RXFP1: variants seen among roughly 807,000 people sequenced by gnomAD.
The protein encoded by RXFP1 is relaxin family peptide receptor 1.
A neutral mutation model predicts 89.8 loss-of-function variants in RXFP1; 73 were observed. The ratio of observed to expected loss-of-function variants is 0.81; its 90% confidence interval spans 0.67 to 0.99. RXFP1 has a LOEUF of 0.99. Among genes scored for constraint, RXFP1 ranks in the 50% least tolerant of loss-of-function variants. The pLI is 0.00. For synonymous variants in RXFP1, 277 were observed against 305.5 expected, an observed-to-expected ratio of 0.91 and a Z score of 0.97; for missense variants, 793 against 895.5, an observed-to-expected ratio of 0.89 and a Z score of 1.46.
chr4:158,593,645 A>G (rs1370388175), intron 3 of RXFP1, 146 bp downstream of exon 3: 11 of 533,514 alleles, frequency 2.1e-5, no homozygotes, highest in Non-Finnish European at 3.6e-5. Context: ...TAAGAGGTCA[A>G]TTATAGTTTT....
chr4:158,584,278 C>A (rs1369009631), intron 2 of RXFP1, among the ~76,000 whole-genome samples: 1 of 151,858 alleles, frequency 6.6e-6, no homozygotes, highest in Non-Finnish European at 1.5e-5. Flanking sequence ...ACTAAAGATA[C>A]AAAAAATTAG....
chr4:158,627,984 G>A (rs1015439044), intron 10 of RXFP1, among the ~76,000 whole-genome samples: 2 of 152,162 alleles, frequency 1.3e-5, no homozygotes, highest in Non-Finnish European at 2.9e-5. Flanking sequence ...ATTGGGAAAT[G>A]GTGGTAATGG....
intron 1 of RXFP1, among the ~76,000 whole-genome samples, chr4:158,522,238 G>C (rs560272813): frequency 4.3e-4 from 65 of 152,290 alleles, no homozygotes; most frequent in African/African-American, 1.5e-3. Flanking sequence ...AAGCGAGACT[G>C]ATGTGCCGTG....
upstream of RXFP1, chr4:158,521,726 AAAG>A: frequency 8.2e-6 from 4 of 487,524 alleles, no homozygotes; most frequent in Non-Finnish European, 1.1e-5. Context: ...GCGTGTGTGT[AAAG>A]AAGGAGATTA....
chr4:158,646,718 A>T, intron 15 of RXFP1, 73 bp from the exon 16 acceptor site: 2 of 1,485,184 alleles, frequency 1.3e-6, no homozygotes, highest in Non-Finnish European at 1.8e-6. Context: ...TAGCATTAAA[A>T]ATATTATTGC....
chr4:158,570,610 T>C (rs971425529), intron 1 of RXFP1, among the ~76,000 whole-genome samples: 3 of 152,084 alleles, frequency 2.0e-5, no homozygotes, highest in Admixed American at 1.3e-4. Flanking sequence ...GCCTCATTTG[T>C]CTATTACCTG....
chr4:158,645,134 C>A lies in RXFP1; in HGVS notation c.1341C>A (p.Leu447=). ...TGTATGCCATGTCAATCATTTCTCT[C>A]TGCTGTGAGTATTTCCTGGTTAAAG... ...NKLYAMSIIS[L]CCADCLMGIY... The change falls in exon 15 of 18, where the codon CTC becomes CTA. Residue 447 remains leucine (L), a synonymous_variant. Transcript: ENST00000307765. 6.2e-7 allele frequency: 1 copy of A among 1,606,416 alleles called. No individual in the cohort carries two copies. The highest frequency in any genetic ancestry group is 8.5e-7 in the Non-Finnish European group (1 of 1,172,984).
rs549129677 is a variant in RXFP1, at chr4:158,642,128, G to A, written c.1116-2781G>A. On this transcript the variant is annotated intron_variant, in intron 14 of 17. Transcript: ENST00000307765. Reference sequence around the variant, plus strand: ...TTTTCTTTTACTGTGGCACTTCCACGTTTAAAATCTTTAATATTATTTTGT... The same window carrying A: ...TTTTCTTTTACTGTGGCACTTCCACATTTAAAATCTTTAATATTATTTTGT... Among the ~76,000 whole-genome samples the A allele has an allele frequency of 3.4e-3, 520 of 151,728 alleles. 4 individuals carry two copies. Among genetic ancestry groups the A allele is most frequent in the African/African-American group, 0.012 (488 of 41,354 alleles).
At chr4:158,612,386 A>ATTTC in intron 8 of RXFP1, 24 bp downstream of exon 8, 4 of 1,485,544 alleles carry the variant, frequency 2.7e-6, no homozygotes, top group Non-Finnish European at 3.7e-6. Context: ...TAAAGCAAAT[A>ATTTC]TTTCAATCAA....
At chr4:158,601,415 A>G (rs565076151) in intron 4 of RXFP1, among the ~76,000 whole-genome samples, 40 of 152,314 alleles carry the variant, frequency 2.6e-4, no homozygotes, top group Admixed American at 2.0e-4. Context: ...TTAACAGGTC[A>G]CTCAGTGGAA....
intron 15 of RXFP1, chr4:158,646,518 A>G (rs942005498): frequency 6.3e-5 from 81 of 1,278,212 alleles, no homozygotes; most frequent in Non-Finnish European, 8.1e-5. Flanking sequence ...AGAACAATAG[A>G]CAAGATCTGT....
intron 4 of RXFP1, among the ~76,000 whole-genome samples, chr4:158,603,443 TG>T (rs1273536689): frequency 5.9e-5 from 9 of 152,212 alleles, no homozygotes; most frequent in Admixed American, 5.9e-4. Flanking sequence ...AATCAGCCTT[TG>T]GTATTATTTA....
chr4:158,587,562 A>T (rs1316992492), intron 2 of RXFP1, among the ~76,000 whole-genome samples: 1 of 152,358 alleles, frequency 6.6e-6, no homozygotes, highest in East Asian at 1.9e-4. Flanking sequence ...AGTAATAGCT[A>T]AATACTTAAA....
chr4:158,551,303 G>A (rs72963717), intron 1 of RXFP1, among the ~76,000 whole-genome samples: 149 of 152,198 alleles, frequency 9.8e-4, no homozygotes, highest in African/African-American at 3.5e-3. Flanking sequence ...GGAGTACCAG[G>A]GTCTGGGGAA....
intron 1 of RXFP1, among the ~76,000 whole-genome samples, chr4:158,529,535 C>G (rs1441791888): frequency 6.6e-6 from 1 of 152,158 alleles, no homozygotes; most frequent in African/African-American, 2.4e-5. Flanking sequence ...TCTGGGATTA[C>G]AGGTGTGAGC....
intron 1 of RXFP1, among the ~76,000 whole-genome samples, chr4:158,569,839 T>C (rs943245089): frequency 9.9e-5 from 15 of 152,170 alleles, no homozygotes; most frequent in African/African-American, 3.4e-4. Flanking sequence ...GATTAAAGCA[T>C]TCGAAACAAT....
At chr4:158,580,195 G>T (rs1003212067) in intron 2 of RXFP1, among the ~76,000 whole-genome samples, 1 of 152,160 alleles carries the variant, frequency 6.6e-6, no homozygotes, top group African/African-American at 2.4e-5. Flanking sequence ...TTACTTCCCA[G>T]CTACCTGGCC....
chr4:158,532,686 C>T (rs1744352188), intron 1 of RXFP1, among the ~76,000 whole-genome samples: 1 of 152,204 alleles, frequency 6.6e-6, no homozygotes, highest in African/African-American at 2.4e-5. Context: ...AATCCACACA[C>T]TTCTCACCAA....
At chr4:158,594,982 G>A (rs1760251479) in intron 3 of RXFP1, among the ~76,000 whole-genome samples, 1 of 151,972 alleles carries the variant, frequency 6.6e-6, no homozygotes, top group Admixed American at 6.6e-5. Context: ...ATTTTTCTAA[G>A]GTTGCATTAT....
Sources: allele counts gnomAD v4.1 joint callset (sites outside exome capture counted in the v4.1 genomes callset), GRCh38; gene constraint gnomAD v4.1.1; transcripts MANE v1.5; gene names NCBI Gene and HGNC (gene_info 2026-07-23, HGNC 2026-07-21).